The following KLHDC8A variants were observed in gnomAD, a reference collection of about 807,000 sequenced individuals.
KLHDC8A encodes the protein kelch domain containing 8A.
Under a neutral mutation model 33.1 loss-of-function variants are expected in KLHDC8A, and 21 were observed. That is an observed-to-expected ratio of 0.64 (90% CI 0.45 to 0.91). KLHDC8A has a LOEUF of 0.91. Among genes scored for constraint, KLHDC8A ranks in the 40% least tolerant of loss-of-function variants. The probability of loss-of-function intolerance (pLI) is 0.00; values close to 1 mark genes in which losing one functional copy is unlikely to be tolerated. For missense variants in KLHDC8A, 435 were observed against 483.3 expected (o/e 0.90, Z 0.94); for synonymous variants, 173 against 193.5 (o/e 0.89, Z 0.88).
At chr1:205,340,105 C>T (rs943729726) in intron 2 of KLHDC8A, among the ~76,000 whole-genome samples, 5 of 152,098 alleles carry the variant, frequency 3.3e-5, no homozygotes, top group Non-Finnish European at 5.9e-5. Context: ...ACCTTGACCT[C>T]CTGGGCTCAA....
chr1:205,349,548 T>C (rs11808825), intron 1 of KLHDC8A, among the ~76,000 whole-genome samples: 3,584 of 152,026 alleles, frequency 0.024, 59 homozygotes, highest in Middle Eastern at 0.058. Flanking sequence ...GAAGGAAGGG[T>C]TGGGAAGCCA....
intron 1 of KLHDC8A, among the ~76,000 whole-genome samples, chr1:205,344,759 G>A (rs987439444): frequency 2.0e-5 from 3 of 152,086 alleles, no homozygotes; most frequent in Admixed American, 6.5e-5. Flanking sequence ...CTTGCACATG[G>A]AAGCATAACT....
intron 1 of KLHDC8A, among the ~76,000 whole-genome samples, chr1:205,346,785 A>G (rs1662960744): frequency 6.6e-6 from 1 of 152,142 alleles, no homozygotes; most frequent in Admixed American, 6.6e-5. Context: ...TATGAAGGAA[A>G]CCAAGTGGGT....
intron 1 of KLHDC8A, 88 bp from the exon 2 acceptor site, chr1:205,343,881 T>G: frequency 2.4e-6 from 1 of 421,738 alleles, no homozygotes; most frequent in Non-Finnish European, 4.2e-6. Flanking sequence ...CCTGGTCAAC[T>G]TCACTGGGAA....
intron 1 of KLHDC8A, among the ~76,000 whole-genome samples, chr1:205,347,585 G>A (rs561216433): frequency 6.6e-6 from 1 of 152,114 alleles, no homozygotes; most frequent in African/African-American, 2.4e-5. Flanking sequence ...TCTGAGCTTC[G>A]TGGCACATAA....
chr1:205,356,796 A>C lies in KLHDC8A; in HGVS notation c.-453T>G. ...GCCAGCCCCGCCCTGAATGCACAGAAACTTGGGGTCCCTGAGTTCCAGGAG... is the reference window on the plus strand; with the variant it reads ...GCCAGCCCCGCCCTGAATGCACAGACACTTGGGGTCCCTGAGTTCCAGGAG... On this transcript the variant is annotated 5_prime_UTR_variant, in exon 1 of 6. Transcript: ENST00000367155. 1 of 285,286 alleles carries C rather than the reference A, an allele frequency of 3.5e-6. No homozygotes were observed. The highest frequency in any genetic ancestry group is 1.0e-4 in the East Asian group (1 of 9,664). 17.7% of individuals were successfully genotyped at this position (285,286 alleles called of 1,614,324 possible). A position where few individuals can be genotyped will look rare whatever the true frequency, so the allele number is the denominator to read the frequency against.
intron 1 of KLHDC8A, among the ~76,000 whole-genome samples, chr1:205,346,320 C>G (rs1662945690): frequency 6.6e-6 from 1 of 152,202 alleles, no homozygotes; most frequent in Non-Finnish European, 1.5e-5. Context: ...CTTGAACTGT[C>G]TTCACAAAAT....
intron 1 of KLHDC8A, among the ~76,000 whole-genome samples, chr1:205,349,990 A>G (rs1663051802): frequency 6.6e-6 from 1 of 152,044 alleles, no homozygotes; most frequent in Non-Finnish European, 1.5e-5. Context: ...AGTATTCTGT[A>G]CTCTTGGGGT....
At chr1:205,348,520 C>T (rs895670594) in intron 1 of KLHDC8A, 1 of 152,188 alleles carries the variant, frequency 6.6e-6, no homozygotes, top group African/African-American at 2.4e-5. Context: ...CATCTGAATC[C>T]TGGTGCAGCC....
intron 2 of KLHDC8A, among the ~76,000 whole-genome samples, chr1:205,342,730 T>C (rs1662823629): frequency 1.3e-5 from 2 of 152,214 alleles, no homozygotes; most frequent in African/African-American, 4.8e-5. Context: ...CTCTAGGTTC[T>C]GGGCTGTACT....
chr1:205,338,844 G>A (rs935992935), intron 4 of KLHDC8A, among the ~76,000 whole-genome samples: 4 of 152,092 alleles, frequency 2.6e-5, no homozygotes, highest in African/African-American at 9.7e-5. Context: ...TTCTGGTTAG[G>A]AGGCTAATAG....
chr1:205,341,570 G>A (rs1662789353), intron 2 of KLHDC8A, among the ~76,000 whole-genome samples: 1 of 152,060 alleles, frequency 6.6e-6, no homozygotes, highest in Admixed American at 6.5e-5. Flanking sequence ...TACAAGCCTG[G>A]GTCGACAGCA....
chr1:205,339,057 G>GGGT lies in KLHDC8A; in HGVS notation c.757+134_757+136dup. On this transcript the variant is annotated intron_variant, in intron 4 of 5. Coordinates refer to ENST00000367155, the MANE Select transcript of KLHDC8A (RefSeq NM_018203.3). This position sits in a 1 kb window ranked among gnomAD's most constrained non-coding sequence, Gnocchi z 5.1. ...TCCAAGAGTAGCCCTGAGTGGAGAG[G>GGGT]GGTGCTGAGACTTCTGAGAAGCTTG... 1 of 659,480 alleles carries GGGT rather than the reference G, an allele frequency of 1.5e-6. No homozygotes were observed. Among genetic ancestry groups the GGGT allele is most frequent in the Non-Finnish European group, 2.6e-6 (1 of 381,318 alleles). 40.9% of individuals were successfully genotyped at this position (659,480 alleles called of 1,614,324 possible).
rs1662730240 is a variant in KLHDC8A, at chr1:205,339,487, T to C, written c.542-78A>G. On this transcript the variant is annotated intron_variant, in intron 3 of 5. Coordinates refer to ENST00000367155, the MANE Select transcript of KLHDC8A (RefSeq NM_018203.3). The surrounding 1 kb of genome is among the most constrained non-coding windows in gnomAD (Gnocchi z 5.1). Reference sequence around the variant, plus strand: ...GCGACAGTGAAAAGGGTTTCCCCTTTTGACAGTTACTCATTCATACAGGAA... The same window carrying C: ...GCGACAGTGAAAAGGGTTTCCCCTTCTGACAGTTACTCATTCATACAGGAA... The C allele has an allele frequency of 6.8e-7, 1 of 1,471,636 alleles. No individual in the cohort carries two copies. Among genetic ancestry groups the C allele is most frequent in the Non-Finnish European group, 9.4e-7 (1 of 1,067,424 alleles). 91.2% of individuals were successfully genotyped at this position (1,471,636 alleles called of 1,614,324 possible).
At chr1:205,345,793 G>A (rs2102290492) in intron 1 of KLHDC8A, among the ~76,000 whole-genome samples, 1 of 152,080 alleles carries the variant, frequency 6.6e-6, no homozygotes, top group Admixed American at 6.5e-5. Flanking sequence ...ATAAAATCGA[G>A]GCCGGATTTG....
chr1:205,341,273 C>T (rs1662781630), intron 2 of KLHDC8A, among the ~76,000 whole-genome samples: 1 of 152,116 alleles, frequency 6.6e-6, no homozygotes, highest in Non-Finnish European at 1.5e-5. Flanking sequence ...GCAGCCAGTC[C>T]TCAATGCTTC....
Position 205,343,422 on chromosome 1 carries a change from G to A in KLHDC8A, c.183C>T (p.Ala61=). ...VYSPEADQWT[A]LPRLPTARAG... ...CCCGGGCTGTGGGCAGCCGGGGCAAGGCGGTCCACTGGTCGGCCTCCGGGG... is the reference window on the plus strand; with the variant it reads ...CCCGGGCTGTGGGCAGCCGGGGCAAAGCGGTCCACTGGTCGGCCTCCGGGG... The change falls in exon 2 of 6, where the codon GCC becomes GCT. Residue 61 remains alanine (A), a synonymous_variant. Transcript: ENST00000367155. 6.2e-7 allele frequency: 1 copy of A among 1,613,438 alleles called. No individual in the cohort carries two copies. The highest frequency in any genetic ancestry group is 8.5e-7 in the Non-Finnish European group (1 of 1,179,844).
At chr1:205,348,694 T>G (rs1308947957) in intron 1 of KLHDC8A, 1 of 152,146 alleles carries the variant, frequency 6.6e-6, no homozygotes, top group East Asian at 1.9e-4. Flanking sequence ...AAAGACTAGT[T>G]TCTTTCTTCC....
At chr1:205,343,152 C>T (rs7549293) in intron 2 of KLHDC8A, 77 bp downstream of exon 2, 39 of 1,513,788 alleles carry the variant, frequency 2.6e-5, no homozygotes, top group Non-Finnish European at 3.3e-5. Context: ...CAGCAAATGC[C>T]TGTTGGTTTC....
Sources: allele counts gnomAD v4.1 joint callset (sites outside exome capture counted in the v4.1 genomes callset), GRCh38; gene constraint gnomAD v4.1.1; non-coding constraint Gnocchi (gnomAD v3.1); transcripts MANE v1.5; gene names NCBI Gene and HGNC (gene_info 2026-07-23, HGNC 2026-07-21).